Variants in CTNNA2 observed in about 807,000 individuals in gnomAD.
The protein encoded by CTNNA2 is catenin alpha-2.
Under a neutral mutation model 101.0 loss-of-function variants are expected in CTNNA2, and 42 were observed. The ratio of observed to expected loss-of-function variants is 0.42; its 90% confidence interval spans 0.32 to 0.54. The LOEUF is 0.54. Among genes scored for constraint, CTNNA2 ranks in the 20% least tolerant of loss-of-function variants. CTNNA2 has a pLI of 0.14. For synonymous variants in CTNNA2, 450 were observed against 456.4 expected, an observed-to-expected ratio of 0.99 and a Z score of 0.18; for missense variants, 871 against 1,223.1, an observed-to-expected ratio of 0.71 and a Z score of 4.29.
chr2:80,075,686 TAATA>T (rs1698681146), intron 7 of CTNNA2, among the ~76,000 whole-genome samples: 2 of 83,462 alleles, frequency 2.4e-5, no homozygotes, highest in African/African-American at 5.3e-5. Context: ...ATTATAAAAA[TAATA>T]TTTATACTTG....
intron 3 of CTNNA2, among the ~76,000 whole-genome samples, chr2:79,806,369 G>A (rs1038544750): frequency 3.3e-5 from 5 of 152,144 alleles, no homozygotes; most frequent in African/African-American, 9.7e-5. Context: ...GTGTTCAGAC[G>A]ACTTGCACAA....
At chr2:79,957,885 G>A (rs1226123826) in intron 7 of CTNNA2, among the ~76,000 whole-genome samples, 1 of 152,134 alleles carries the variant, frequency 6.6e-6, no homozygotes, top group East Asian at 1.9e-4. Flanking sequence ...AAACTTGCTT[G>A]TACATTAATA....
chr2:80,391,108 G>A (rs1274230284), intron 7 of CTNNA2, among the ~76,000 whole-genome samples: 3 of 150,676 alleles, frequency 2.0e-5, no homozygotes, highest in Admixed American at 6.6e-5. Context: ...CTCCAGCCTG[G>A]GTGACAGAGC....
At chr2:80,318,614 T>C (rs1026281804) in intron 7 of CTNNA2, among the ~76,000 whole-genome samples, 5 of 152,182 alleles carry the variant, frequency 3.3e-5, no homozygotes, top group African/African-American at 1.2e-4. Flanking sequence ...GAAGGAAACA[T>C]GCAATACAAA....
At chr2:80,620,491 A>G (rs1042577252) in intron 18 of CTNNA2, among the ~76,000 whole-genome samples, 5 of 151,884 alleles carry the variant, frequency 3.3e-5, no homozygotes, top group African/African-American at 1.2e-4. Context: ...TTGATACCTA[A>G]GTTTTCTAAC....
At chr2:79,350,582 T>C (rs1038866209) in intron 3 of CTNNA2, among the ~76,000 whole-genome samples, 5 of 152,226 alleles carry the variant, frequency 3.3e-5, no homozygotes, top group Admixed American at 3.3e-4. Flanking sequence ...TTGTGAATAG[T>C]GCTGTGATCA....
intron 18 of CTNNA2, among the ~76,000 whole-genome samples, chr2:80,624,406 T>G (rs1440258229): frequency 6.6e-6 from 1 of 152,002 alleles, no homozygotes; most frequent in East Asian, 1.9e-4. Context: ...GTTTTTCTTT[T>G]TTTCGTGAAC....
chr2:79,741,706 C>T (rs1671297522), intron 2 of CTNNA2, among the ~76,000 whole-genome samples: 1 of 151,676 alleles, frequency 6.6e-6, no homozygotes, highest in African/African-American at 2.4e-5. Flanking sequence ...ATTTAGCCAC[C>T]TTGCTCTTCA....
intron 6 of CTNNA2, among the ~76,000 whole-genome samples, chr2:79,896,027 A>G (rs1285880175): frequency 6.6e-6 from 1 of 152,064 alleles, no homozygotes; most frequent in Non-Finnish European, 1.5e-5. Context: ...TCATGCCCAT[A>G]ATCCCAGCAC....
chr2:80,504,241 C>T lies in CTNNA2; in HGVS notation c.1291-40741C>T, dbSNP rs118056290. 4.9e-4 allele frequency among the ~76,000 whole-genome samples: 75 copies of T among 152,264 alleles called. No individual in the cohort carries two copies. The East Asian group carries it at 0.01, about 21-fold the overall frequency. On this transcript the variant is annotated intron_variant, in intron 9 of 18. Transcript: ENST00000402739. ...AGAATGGATATTTTCACTTTCTTGC[C>T]AGCCGTTAGCCAGGGGCTACTCTTT...
At chr2:79,392,119 G>A (rs767653276) in intron 4 of CTNNA2, among the ~76,000 whole-genome samples, 1 of 152,164 alleles carries the variant, frequency 6.6e-6, no homozygotes, top group Non-Finnish European at 1.5e-5. Context: ...TATGAATTTT[G>A]TGGGGAAACA....
At chr2:79,630,379 A>G (rs1679607321) in intron 1 of CTNNA2, among the ~76,000 whole-genome samples, 2 of 152,228 alleles carry the variant, frequency 1.3e-5, no homozygotes, top group African/African-American at 4.8e-5. Flanking sequence ...ACAGTGGGAG[A>G]CCATCAGAGA....
At chr2:79,493,224 AAGGGG>A (rs1671221736) in intron 4 of CTNNA2, among the ~76,000 whole-genome samples, 1 of 151,940 alleles carries the variant, frequency 6.6e-6, no homozygotes, top group African/African-American at 2.4e-5. Flanking sequence ...AACAGGAGGG[AAGGGG>A]AGGGGAGGGG....
rs866441208 is a variant in CTNNA2 at position 79,440,929 on chromosome 2, G to A, written c.-134-64125G>A. 1.4e-4 allele frequency among the ~76,000 whole-genome samples: 22 copies of A among 152,142 alleles called. 1 individual carries two copies. The highest frequency in any genetic ancestry group is 3.4e-3 in the Middle Eastern group (1 of 294). On this transcript the variant is annotated intron_variant, in intron 4 of 21. Coordinates refer to the CTNNA2 transcript ENST00000466387. ...TCTCCACAGGGCACCCAACCCAGTG[G>A]GATTCATGTTTTCCACTTTGCCAAA...
intron 17 of CTNNA2, among the ~76,000 whole-genome samples, chr2:80,611,318 G>C (rs1386508546): frequency 2.6e-5 from 4 of 151,344 alleles, no homozygotes; most frequent in Admixed American, 2.0e-4. Flanking sequence ...GAGGGGAGGG[G>C]AGGGTAGAAG....
chr2:79,244,813 G>C (rs1400123958), intron 2 of CTNNA2, among the ~76,000 whole-genome samples: 1 of 152,164 alleles, frequency 6.6e-6, no homozygotes, highest in African/African-American at 2.4e-5. Context: ...AAAGAAATCA[G>C]GCAGTGCACA....
rs537579936 is a variant in CTNNA2 at position 80,482,706 on chromosome 2, T to C, written c.1291-62276T>C. On this transcript the variant is annotated intron_variant, in intron 9 of 18. Coordinates refer to ENST00000402739, the MANE Select transcript of CTNNA2 (RefSeq NM_001282597.3). ...GATTCCACAGTGTCAATCTCCATGA[T>C]GTTCATATTTTCTACTAGTTGCCAA... Among the ~76,000 whole-genome samples, 5 of 152,336 alleles carry C rather than the reference T, an allele frequency of 3.3e-5. No individual in the cohort carries two copies. In the East Asian group the frequency reaches 9.6e-4, roughly 29 times the overall value.
At chr2:80,168,167 G>A (rs1704820100) in intron 7 of CTNNA2, among the ~76,000 whole-genome samples, 1 of 152,084 alleles carries the variant, frequency 6.6e-6, no homozygotes, top group Non-Finnish European at 1.5e-5. Context: ...GAGGAAAGGA[G>A]CAGAGGTATT....
chr2:80,295,731 T>A (rs925371572), intron 7 of CTNNA2, among the ~76,000 whole-genome samples: 9 of 152,350 alleles, frequency 5.9e-5, no homozygotes, highest in Non-Finnish European at 1.0e-4. Flanking sequence ...TAAATGACAG[T>A]ACTATGTCTA....
Sources: allele counts gnomAD v4.1 joint callset (sites outside exome capture counted in the v4.1 genomes callset), GRCh38; gene constraint gnomAD v4.1.1; transcripts MANE v1.5; gene names NCBI Gene and HGNC (gene_info 2026-07-23, HGNC 2026-07-21).